Variants in SREBF2 observed in about 807,000 individuals in gnomAD.
SREBF2 encodes sterol regulatory element binding transcription factor 2.
SREBF2 carries 55 observed loss-of-function variants against 113.1 expected under a neutral mutation model. The observed-to-expected ratio is 0.49, with a 90% CI of 0.39 to 0.61. SREBF2 has a LOEUF of 0.61. Among genes scored for constraint, SREBF2 ranks in the 20% least tolerant of loss-of-function variants. SREBF2 has a pLI of 0.00. For missense variants in SREBF2, 1,349 were observed against 1,487.4 expected (o/e 0.91, Z 1.53); for synonymous variants, 593 against 605.7 (o/e 0.98, Z 0.31).
chr22:41,905,649 G>A lies in SREBF2; in HGVS notation c.3415G>A (p.Ala1139Thr), dbSNP rs753605630. The A allele has an allele frequency of 8.8e-6, 14 of 1,582,664 alleles. No individual in the cohort carries two copies. Among genetic ancestry groups the A allele is most frequent in the Non-Finnish European group, 1.2e-5 (14 of 1,165,196 alleles). ...TAAGCTGGGTGGTGGCACTGCCATTGCCGCCTCCTGACCACCAGGCTCAGC... is the reference window on the plus strand; with the variant it reads ...TAAGCTGGGTGGTGGCACTGCCATTACCGCCTCCTGACCACCAGGCTCAGC... ...IVKLGGGTAI[A>T]AS The change falls in exon 19 of 19, where the codon GCC becomes ACC. Residue 1139 changes from alanine to threonine, a missense_variant. Coordinates refer to ENST00000361204, the MANE Select transcript of SREBF2 (RefSeq NM_004599.4).
At chr22:41,875,788 G>A (rs1015544638) in intron 7 of SREBF2, 64 bp downstream of exon 7, 2 of 1,581,658 alleles carry the variant, frequency 1.3e-6, no homozygotes, top group Non-Finnish European at 1.7e-6. Flanking sequence ...AAGATAGCTG[G>A]GAGGTCACAG....
intron 15 of SREBF2, chr22:41,899,174 A>G (rs75036403): frequency 0.027 from 30,072 of 1,133,450 alleles, 431 homozygotes; most frequent in Middle Eastern, 0.034. Flanking sequence ...GTTGCCCCCA[A>G]AACTCATGTG....
At chr22:41,844,696 G>T (rs932790126) in intron 1 of SREBF2, among the ~76,000 whole-genome samples, 1 of 152,146 alleles carries the variant, frequency 6.6e-6, no homozygotes, top group Non-Finnish European at 1.5e-5. Context: ...CAGGTCTGTT[G>T]GGTTCAGGAT....
intron 9 of SREBF2, chr22:41,878,656 CAG>C: frequency 1.5e-6 from 2 of 1,302,798 alleles, no homozygotes; most frequent in South Asian, 2.5e-5. Context: ...TTGAAATCAA[CAG>C]GGAGTTTACG....
chr22:41,883,899 A>G (rs190279685), intron 10 of SREBF2, among the ~76,000 whole-genome samples: 1 of 152,342 alleles, frequency 6.6e-6, no homozygotes, highest in Admixed American at 6.5e-5. Flanking sequence ...CAAAGCCAGC[A>G]ACAGTATGAA....
At chr22:41,840,986 A>C (rs1043605488) in intron 1 of SREBF2, among the ~76,000 whole-genome samples, 4 of 152,294 alleles carry the variant, frequency 2.6e-5, no homozygotes, top group Admixed American at 6.5e-5. Flanking sequence ...CATCTTTGGC[A>C]GAGTATCCTG....
intron 10 of SREBF2, among the ~76,000 whole-genome samples, chr22:41,882,920 AC>A (rs1487444205): frequency 6.6e-6 from 1 of 152,218 alleles, no homozygotes; most frequent in Non-Finnish European, 1.5e-5. Flanking sequence ...CCTGGGAAAC[AC>A]GGGGAGACTC....
At chr22:41,896,876 G>A (rs1228382990) in intron 13 of SREBF2, among the ~76,000 whole-genome samples, 176 bp from the exon 14 acceptor site, 1 of 152,158 alleles carries the variant, frequency 6.6e-6, no homozygotes, top group African/African-American at 2.4e-5. Context: ...CACGGAGGAA[G>A]GATGCCTGAG....
intron 17 of SREBF2, 155 bp from the exon 18 acceptor site, chr22:41,904,708 G>A: frequency 1.4e-6 from 1 of 726,936 alleles, no homozygotes; most frequent in Non-Finnish European, 2.5e-6. Flanking sequence ...TCAGAGTACG[G>A]GACAACAGAG....
At chr22:41,850,866 G>A (rs576701139) in intron 1 of SREBF2, among the ~76,000 whole-genome samples, 18 of 151,792 alleles carry the variant, frequency 1.2e-4, no homozygotes, top group African/African-American at 3.9e-4. Context: ...TCAGCCTCCC[G>A]AGTAGCTCGG....
intron 13 of SREBF2, among the ~76,000 whole-genome samples, chr22:41,895,474 T>G (rs1272033504): frequency 1.4e-5 from 2 of 140,020 alleles, no homozygotes; most frequent in African/African-American, 5.4e-5. Flanking sequence ...TCGCTCTTGT[T>G]GCCCAGGCTG....
chr22:41,856,470 A>G (rs1461016995), intron 1 of SREBF2, among the ~76,000 whole-genome samples: 1 of 152,198 alleles, frequency 6.6e-6, no homozygotes, highest in African/African-American at 2.4e-5. Flanking sequence ...TGAGTTCAAG[A>G]ACTAAAAGAT....
rs138464142 is a variant in SREBF2 at position 41,875,643 on chromosome 22, C to A, written c.1305C>A (p.Ala435=). 6.2e-7 allele frequency: 1 copy of A among 1,614,106 alleles called. No individual in the cohort carries two copies. The highest frequency in any genetic ancestry group is 8.5e-7 in the Non-Finnish European group (1 of 1,180,056). The change falls in exon 7 of 19, where the codon GCC becomes GCA. Residue 435 remains alanine, a synonymous_variant. Transcript: ENST00000361204. ...NQNVLLMSPP[A]SDSGSQAGFS... ...ATGTCCTTCTGATGTCCCCCCCAGC[C>A]TCTGACTCAGGGTCCCAGGCTGGCT...
intron 10 of SREBF2, 34 bp from the exon 11 acceptor site, chr22:41,884,808 C>T (rs1245194085): frequency 6.8e-6 from 11 of 1,613,640 alleles, no homozygotes; most frequent in Non-Finnish European, 7.6e-6. Flanking sequence ...TTTGGGGCTC[C>T]ATCAACAATA....
At chr22:41,880,204 A>G (rs1021149033) in intron 9 of SREBF2, among the ~76,000 whole-genome samples, 1 of 152,170 alleles carries the variant, frequency 6.6e-6, no homozygotes, top group Non-Finnish European at 1.5e-5. Flanking sequence ...TGAGACCCTG[A>G]AAGCCTAAAG....
chr22:41,862,921 C>A (rs1447068888), intron 1 of SREBF2, among the ~76,000 whole-genome samples: 2 of 152,156 alleles, frequency 1.3e-5, no homozygotes, highest in African/African-American at 4.8e-5. Context: ...TTTAAGTAGT[C>A]TCATTCCATC....
At position 41,898,718 on chromosome 22, in the gene SREBF2, A is replaced by G; in HGVS notation, c.2675A>G (p.Asp892Gly). Residue 892 changes from aspartate (D) to glycine (G), a missense_variant, in exon 15 of 19, where the codon GAT (aspartate) becomes GGT (glycine). By Grantham distance (94) the Asp-to-Gly change is moderately conservative. Around this residue, in one of 2 missense-constraint regions of SREBF2, gnomAD observed 650 missense variants for 644.1 expected, o/e 1.01. Transcript: ENST00000361204. ...TVAISWLQGD[D>G]AAVRSHFTKV... Reference sequence around the variant, plus strand: ...GCCATCAGCTGGCTCCAGGGAGACGATGCAGCTGTGCGCTCTCATTTTACC... The same window carrying G: ...GCCATCAGCTGGCTCCAGGGAGACGGTGCAGCTGTGCGCTCTCATTTTACC... 3 of 1,614,096 alleles carry G rather than the reference A, an allele frequency of 1.9e-6. No homozygotes were observed. Among genetic ancestry groups the G allele is most frequent in the Non-Finnish European group, 2.5e-6 (3 of 1,180,012 alleles).
At chr22:41,892,474 C>T (rs1394369855) in intron 11 of SREBF2, among the ~76,000 whole-genome samples, 2 of 151,870 alleles carry the variant, frequency 1.3e-5, no homozygotes, top group East Asian at 3.9e-4. Context: ...ACGGTGAAAC[C>T]CCGTCTCTAC....
intron 1 of SREBF2, among the ~76,000 whole-genome samples, chr22:41,866,163 G>A (rs1301495499): frequency 6.6e-6 from 1 of 152,204 alleles, no homozygotes; most frequent in East Asian, 1.9e-4. Flanking sequence ...CGCTGCCTCA[G>A]TGTTTCCAGC....
Sources: allele counts gnomAD v4.1 joint callset (sites outside exome capture counted in the v4.1 genomes callset), GRCh38; gene constraint gnomAD v4.1.1; regional missense constraint gnomAD v4.1.1; transcripts MANE v1.5; gene names NCBI Gene and HGNC (gene_info 2026-07-23, HGNC 2026-07-21).